CLCN3: variants seen among roughly 807,000 people sequenced by gnomAD.
CLCN3 encodes H(+)/Cl(-) exchange transporter 3.
CLCN3 carries 16 observed loss-of-function variants against 83.4 expected under a neutral mutation model. The observed-to-expected ratio is 0.19, with a 90% CI of 0.13 to 0.29. CLCN3 has a LOEUF of 0.29. Ranked by LOEUF, CLCN3 falls within the 10% of genes least tolerant of loss-of-function variation. The pLI, the probability that CLCN3 is intolerant of heterozygous loss-of-function variation, is 1.00. For synonymous variants in CLCN3, 322 were observed against 346.2 expected (o/e 0.93, Z 0.78); for missense variants, 544 against 1,006.0 (o/e 0.54, Z 6.21).
rs935703403 is a variant in CLCN3 at position 169,720,237 on chromosome 4, C to T, written c.*240C>T. The T allele has an allele frequency of 3.3e-6, 2 of 601,138 alleles. No individual in the cohort carries two copies. Among genetic ancestry groups the T allele is most frequent in the East Asian group, 5.7e-5 (2 of 35,056 alleles). The allele number at this position is 601,138 out of a possible 1,614,324, so 37.2% of individuals were successfully genotyped here. On this transcript the variant is annotated 3_prime_UTR_variant, in exon 13 of 13. Coordinates refer to ENST00000513761, the MANE Select transcript of CLCN3 (RefSeq NM_001829.4). ...GAGGTATTTCCCGTCTAACAGAAAG[C>T]AGCGTATCAACTCCTATTGTTCTGC...
Position 169,721,130 on chromosome 4 carries a change from A to G in CLCN3, c.*1133A>G, listed in dbSNP as rs1429045239. On this transcript the variant is annotated 3_prime_UTR_variant, in exon 13 of 13. Coordinates refer to ENST00000513761, the MANE Select transcript of CLCN3 (RefSeq NM_001829.4). The stretch of plus-strand genomic sequence containing the variant: ...TGACACTGAAGAAGAAATGTAATTC[A>G]TAACTTGCACTAAATGTATATTTTT... 3 of 152,326 alleles carry G rather than the reference A, an allele frequency of 2.0e-5. No homozygotes were observed. Among genetic ancestry groups the G allele is most frequent in the East Asian group, 3.9e-4 (2 of 5,192 alleles). The allele number at this position is 152,326 out of a possible 1,614,324, so 9.4% of individuals were successfully genotyped here.
intron 1 of CLCN3, among the ~76,000 whole-genome samples, chr4:169,634,271 A>G (rs894903899): frequency 1.3e-5 from 2 of 152,198 alleles, no homozygotes; most frequent in Non-Finnish European, 2.9e-5. Flanking sequence ...CCTCTAGCTA[A>G]TGTTCACTGA....
intron 12 of CLCN3, among the ~76,000 whole-genome samples, chr4:169,717,173 C>T (rs1006814548): frequency 3.3e-5 from 5 of 152,066 alleles, no homozygotes; most frequent in Admixed American, 6.5e-5. Flanking sequence ...CTTTTAATCC[C>T]TAATCATAAA....
chr4:169,700,645 T>C (rs1423411509), intron 9 of CLCN3, among the ~76,000 whole-genome samples: 1 of 152,134 alleles, frequency 6.6e-6, no homozygotes, highest in Non-Finnish European at 1.5e-5. Context: ...CAATAAATAT[T>C]TTTCTCTTTT....
chr4:169,670,847 A>G (rs972203972), intron 2 of CLCN3, among the ~76,000 whole-genome samples: 1 of 152,046 alleles, frequency 6.6e-6, no homozygotes, highest in African/African-American at 2.4e-5. Context: ...TTTAAGTTGT[A>G]CTCATCATCA....
At chr4:169,696,588 T>TATAATACATATTATTA (rs1424550897) in intron 8 of CLCN3, among the ~76,000 whole-genome samples, 2 of 152,046 alleles carry the variant, frequency 1.3e-5, no homozygotes, top group Admixed American at 6.6e-5. Context: ...TTTTGAAATA[T>TATAATACATATTATTA]ATAATACATA....
intron 10 of CLCN3, 152 bp from the exon 11 acceptor site, chr4:169,706,716 C>G (rs1009912848): frequency 8.4e-6 from 5 of 595,762 alleles, no homozygotes; most frequent in Non-Finnish European, 1.5e-5. Flanking sequence ...GATTATTGTC[C>G]TAAAAGAGGA....
At chr4:169,717,216 GTCACAGC>G (rs1733453802) in intron 12 of CLCN3, among the ~76,000 whole-genome samples, 1 of 152,170 alleles carries the variant, frequency 6.6e-6, no homozygotes, top group Non-Finnish European at 1.5e-5. Flanking sequence ...AGAAGTGGCA[GTCACAGC>G]TCCTGAACAT....
In CLCN3 at chr4:169,722,939, G is replaced by A. The variant is rs1037455096; in HGVS notation, c.*2942G>A. 8 of 152,142 alleles carry A rather than the reference G, an allele frequency of 5.3e-5. No individual in the cohort carries two copies. Among genetic ancestry groups the A allele is most frequent in the Non-Finnish European group, 1.0e-4 (7 of 68,036 alleles). The allele number at this position is 152,142 out of a possible 1,614,324, so 9.4% of individuals were successfully genotyped here. ...AATTTACCAATATAATAAGTGTAGC[G>A]CCTTGTTTGAATACCCTTTTTGAGA... On this transcript the variant is annotated 3_prime_UTR_variant, in exon 13 of 13. Transcript: ENST00000513761.
intron 12 of CLCN3, among the ~76,000 whole-genome samples, chr4:169,715,160 T>G (rs1206729112): frequency 6.6e-6 from 1 of 152,150 alleles, no homozygotes; most frequent in African/African-American, 2.4e-5. Context: ...TGTTAGGGAT[T>G]AATTTTCATA....
At chr4:169,646,370 C>T (rs1008094945) in intron 2 of CLCN3, among the ~76,000 whole-genome samples, 3 of 152,142 alleles carry the variant, frequency 2.0e-5, no homozygotes, top group Non-Finnish European at 4.4e-5. Context: ...CAACCTCTGC[C>T]TCCCAGGTGG....
Position 169,706,858 on chromosome 4 carries a change from CT to C in CLCN3, c.1751-4del, listed in dbSNP as rs1560871969. On this transcript the variant is annotated splice_polypyrimidine_tract_variant and intron_variant, in intron 10 of 12. Transcript: ENST00000513761. ...GTCCTTCCTGACCAGTGGGTGCTTA[CT>C]TTTTTCAGGTGGTGTGACAAGAATG... is the stretch of plus-strand genomic sequence containing the variant. 1.2e-6 allele frequency: 2 copies of C among 1,603,956 alleles called. No individual in the cohort carries two copies. Among genetic ancestry groups the C allele is most frequent in the Non-Finnish European group, 1.7e-6 (2 of 1,172,654 alleles).
At chr4:169,651,139 T>C (rs1730720415) in intron 2 of CLCN3, among the ~76,000 whole-genome samples, 1 of 152,078 alleles carries the variant, frequency 6.6e-6, no homozygotes, top group South Asian at 2.1e-4. Flanking sequence ...TATACCTCAC[T>C]TACCACCTTA....
chr4:169,671,679 C>G (rs753461430), intron 2 of CLCN3, among the ~76,000 whole-genome samples: 2 of 152,080 alleles, frequency 1.3e-5, no homozygotes, highest in Non-Finnish European at 1.5e-5. Flanking sequence ...ACTGTAATAT[C>G]GAATCGTGTT....
chr4:169,721,164 A>G lies in CLCN3; in HGVS notation c.*1167A>G, dbSNP rs1560881305. On this transcript the variant is annotated 3_prime_UTR_variant, in exon 13 of 13. Coordinates refer to ENST00000513761, the MANE Select transcript of CLCN3 (RefSeq NM_001829.4). ...ACTAAATGTATATTTTTTTTCTTAA[A>G]AATTTACCATTCTTATTTATATTTT... 2 of 152,186 alleles carry G rather than the reference A, an allele frequency of 1.3e-5. No individual in the cohort carries two copies. Among genetic ancestry groups the G allele is most frequent in the Non-Finnish European group, 2.9e-5 (2 of 68,038 alleles). 9.4% of individuals were successfully genotyped at this position (152,186 alleles called of 1,614,324 possible).
intron 2 of CLCN3, among the ~76,000 whole-genome samples, chr4:169,636,774 G>C (rs1162835192): frequency 7.3e-6 from 1 of 137,922 alleles, no homozygotes; most frequent in Non-Finnish European, 1.5e-5. Flanking sequence ...ATTGCTAACA[G>C]TGCCACTATG....
chr4:169,675,342 G>A (rs905561004), intron 2 of CLCN3, among the ~76,000 whole-genome samples: 8 of 152,120 alleles, frequency 5.3e-5, no homozygotes, highest in African/African-American at 1.4e-4. Context: ...TAGTGATTAC[G>A]AGAAGTTCAG....
chr4:169,700,059 T>C (rs1732720067), intron 9 of CLCN3, among the ~76,000 whole-genome samples: 1 of 152,136 alleles, frequency 6.6e-6, no homozygotes, highest in South Asian at 2.1e-4. Flanking sequence ...CTGGAGGCAA[T>C]TGGCAGGCCT....
chr4:169,634,151 T>A (rs1162748095), intron 1 of CLCN3, among the ~76,000 whole-genome samples: 1 of 152,204 alleles, frequency 6.6e-6, no homozygotes, highest in Admixed American at 6.5e-5. Context: ...TTACGATTTT[T>A]GAGAGACTTT....
Sources: gnomAD v4.1 joint callset for allele counts (sites outside exome capture counted in the v4.1 genomes callset) on GRCh38, gnomAD v4.1.1 for gene constraint, MANE v1.5 for transcripts, NCBI Gene and HGNC (gene_info 2026-07-23, HGNC 2026-07-21) for gene names.